RAB8B: variants seen among roughly 807,000 people sequenced by gnomAD.
The protein encoded by RAB8B is ras-related protein Rab-8B.
RAB8B carries 11 observed loss-of-function variants against 32.0 expected under a neutral mutation model. The observed-to-expected ratio is 0.34, with a 90% CI of 0.22 to 0.57. The LOEUF is 0.57. RAB8B is among the 20% of genes least tolerant of loss of function. The pLI is 0.86. For synonymous variants in RAB8B, 103 were observed against 89.6 expected (o/e 1.15, Z -0.85); for missense variants, 190 against 258.5 (o/e 0.73, Z 1.82).
chr15:63,244,014 A>G (rs563928706), intron 1 of RAB8B, among the ~76,000 whole-genome samples: 136 of 152,272 alleles, frequency 8.9e-4, no homozygotes, highest in Middle Eastern at 3.4e-3. Flanking sequence ...GATAAGGACA[A>G]TCCGTTCATA....
In RAB8B at chr15:63,224,714, T is replaced by C. The variant is rs143030639; in HGVS notation, c.125-20042T>C. ...TCCTAATATTCAGGTCCACCAAGAA[T>C]GGACCAATTTTCCTTTTGTGATCGC... On this transcript the variant is annotated intron_variant, in intron 1 of 7. Coordinates refer to ENST00000321437, the MANE Select transcript of RAB8B (RefSeq NM_016530.3). Among the ~76,000 whole-genome samples the C allele has an allele frequency of 4.2e-3, 646 of 152,256 alleles. 3 individuals carry two copies. The highest frequency in any genetic ancestry group is 0.015 in the African/African-American group (623 of 41,538).
intron 1 of RAB8B, among the ~76,000 whole-genome samples, chr15:63,210,889 C>T (rs1402646853): frequency 6.6e-6 from 1 of 152,176 alleles, no homozygotes; most frequent in Non-Finnish European, 1.5e-5. Flanking sequence ...ATTTAATTGT[C>T]TCTCGTTAAC....
chr15:63,229,730 G>C (rs1034849491), intron 1 of RAB8B, among the ~76,000 whole-genome samples: 2 of 128,878 alleles, frequency 1.6e-5, no homozygotes, highest in African/African-American at 5.9e-5. Context: ...GCAGTGAGCC[G>C]AGATTGCACC....
chr15:63,253,361 G>A (rs2038132498), intron 3 of RAB8B, among the ~76,000 whole-genome samples: 1 of 152,080 alleles, frequency 6.6e-6, no homozygotes. Flanking sequence ...TATATTTTAT[G>A]TTTACTTACA....
intron 1 of RAB8B, among the ~76,000 whole-genome samples, chr15:63,231,722 G>T (rs1437415002): frequency 6.6e-6 from 1 of 152,136 alleles, no homozygotes; most frequent in African/African-American, 2.4e-5. Flanking sequence ...GGAGCAGTTT[G>T]GTTCTTGAGA....
chr15:63,225,875 C>G (rs771293539), intron 1 of RAB8B, among the ~76,000 whole-genome samples: 15 of 152,242 alleles, frequency 9.9e-5, no homozygotes, highest in Non-Finnish European at 1.8e-4. Context: ...GGGTCTCGCT[C>G]TGTCACCCAG....
At chr15:63,232,095 C>G (rs1031552611) in intron 1 of RAB8B, among the ~76,000 whole-genome samples, 2 of 152,160 alleles carry the variant, frequency 1.3e-5, no homozygotes, top group Admixed American at 6.5e-5. Flanking sequence ...GCATACTTTA[C>G]CTGAGTTGTA....
chr15:63,259,244 C>T lies in RAB8B; in HGVS notation c.415-383C>T, dbSNP rs1024849647. ...AAGCAATTCTCCTGCCTCAGCCTCC[C>T]GGGTAGCTGGGACTACAGGCGGGTG... On this transcript the variant is annotated intron_variant, in intron 5 of 7. Transcript: ENST00000321437. The surrounding 1 kb of genome is among the most constrained non-coding windows in gnomAD (Gnocchi z 4.4). Among the ~76,000 whole-genome samples, 3 of 152,054 alleles carry T rather than the reference C, an allele frequency of 2.0e-5. No individual in the cohort carries two copies. The highest frequency in any genetic ancestry group is 4.4e-5 in the Non-Finnish European group (3 of 68,004).
At chr15:63,237,441 G>A (rs2037990253) in intron 1 of RAB8B, among the ~76,000 whole-genome samples, 1 of 152,172 alleles carries the variant, frequency 6.6e-6, no homozygotes, top group Non-Finnish European at 1.5e-5. Flanking sequence ...AATGGGGTGA[G>A]ATGATATCTC....
chr15:63,224,599 A>G (rs967446224), intron 1 of RAB8B, among the ~76,000 whole-genome samples: 1 of 152,192 alleles, frequency 6.6e-6, no homozygotes, highest in Non-Finnish European at 1.5e-5. Flanking sequence ...GTTTGCCAGG[A>G]TGATCAGATC....
intron 1 of RAB8B, among the ~76,000 whole-genome samples, chr15:63,194,823 G>A (rs528213062): frequency 8.5e-5 from 13 of 152,172 alleles, no homozygotes; most frequent in African/African-American, 2.4e-4. Context: ...TATTTTAAAG[G>A]TTATTAAAAA....
At chr15:63,238,228 A>T (rs2141132342) in intron 1 of RAB8B, among the ~76,000 whole-genome samples, 1 of 151,998 alleles carries the variant, frequency 6.6e-6, no homozygotes, top group Non-Finnish European at 1.5e-5. Flanking sequence ...GTCCTTTTAA[A>T]TTAAAAAAAA....
At chr15:63,252,406 T>C (rs1701960439) in intron 3 of RAB8B, among the ~76,000 whole-genome samples, 1 of 152,158 alleles carries the variant, frequency 6.6e-6, no homozygotes, top group Admixed American at 6.6e-5. Flanking sequence ...AATAAAATAA[T>C]GTCTGCAGGA....
In RAB8B at chr15:63,248,215, T is replaced by C. The variant is rs138672141; in HGVS notation, c.186-1430T>C. Among the ~76,000 whole-genome samples the C allele has an allele frequency of 2.7e-3, 415 of 152,306 alleles. 1 individual carries two copies. The highest frequency in any genetic ancestry group is 0.024 in the Middle Eastern group (7 of 294). On this transcript the variant is annotated intron_variant, in intron 2 of 7. Transcript: ENST00000321437. This position sits in a 1 kb window ranked among gnomAD's most constrained non-coding sequence, Gnocchi z 4.4. ...GCTGAGACCTAAGATGCTTGTCTCC[T>C]TCAAGAGTATGAGCTGGGCCGGGTG... is the stretch of plus-strand genomic sequence containing the variant.
intron 1 of RAB8B, among the ~76,000 whole-genome samples, chr15:63,236,292 G>A (rs928314574): frequency 1.3e-4 from 20 of 152,060 alleles, no homozygotes; most frequent in African/African-American, 4.3e-4. Flanking sequence ...TCATTCCCTT[G>A]GGAATGTTTT....
Position 63,255,494 on chromosome 15 carries a change from T to C in RAB8B, c.247-13T>C, listed in dbSNP as rs2038151909. ...TATAAAGTACTAAATAAAGATATTTTTCCCCCTTATAGGGCATTATGCTGG... is the reference window on the plus strand; with the variant it reads ...TATAAAGTACTAAATAAAGATATTTCTCCCCCTTATAGGGCATTATGCTGG... On this transcript the variant is annotated splice_polypyrimidine_tract_variant and intron_variant, in intron 3 of 7. Coordinates refer to ENST00000321437, the MANE Select transcript of RAB8B (RefSeq NM_016530.3). 1 of 1,548,466 alleles carries C rather than the reference T, an allele frequency of 6.5e-7. No homozygotes were observed. The highest frequency in any genetic ancestry group is 1.7e-5 in the Admixed American group (1 of 59,352).
intron 1 of RAB8B, among the ~76,000 whole-genome samples, chr15:63,204,348 C>T (rs372001513): frequency 3.6e-4 from 55 of 152,228 alleles, no homozygotes; most frequent in African/African-American, 1.3e-3. Flanking sequence ...CCCTTGACCT[C>T]GGGTGCAGCA....
At chr15:63,260,922 G>T (rs1308898940) in intron 6 of RAB8B, among the ~76,000 whole-genome samples, 1 of 152,128 alleles carries the variant, frequency 6.6e-6, no homozygotes, top group Non-Finnish European at 1.5e-5. Context: ...AGTGGACACT[G>T]ATCAGAACTT....
intron 1 of RAB8B, among the ~76,000 whole-genome samples, chr15:63,218,696 G>A (rs1326632509): frequency 2.0e-5 from 3 of 151,996 alleles, no homozygotes; most frequent in African/African-American, 7.3e-5. Context: ...TTTGTTTCTT[G>A]GCCTTAGGCT....
Sources: allele counts gnomAD v4.1 joint callset (sites outside exome capture counted in the v4.1 genomes callset), GRCh38; gene constraint gnomAD v4.1.1; non-coding constraint Gnocchi (gnomAD v3.1); transcripts MANE v1.5; gene names NCBI Gene and HGNC (gene_info 2026-07-23, HGNC 2026-07-21).